Variants in FUT8 observed in about 807,000 individuals in gnomAD.
FUT8 encodes the protein fucosyltransferase 8, also known as alpha-(1,6)-fucosyltransferase.
A neutral mutation model predicts 71.3 loss-of-function variants in FUT8; 29 were observed. The observed-to-expected ratio is 0.41, with a 90% CI of 0.30 to 0.55. The LOEUF is 0.55. Among genes scored for constraint, FUT8 ranks in the 20% least tolerant of loss-of-function variants. FUT8 has a pLI of 0.34. For missense variants in FUT8, 544 were observed against 702.1 expected (o/e 0.77, Z 2.55); for synonymous variants, 254 against 239.3 (o/e 1.06, Z -0.57).
chr14:65,724,668 G>C (rs574718700), intron 9 of FUT8, among the ~76,000 whole-genome samples: 1 of 152,248 alleles, frequency 6.6e-6, no homozygotes, highest in East Asian at 1.9e-4. Flanking sequence ...TAGACTGAGT[G>C]GTTTAAATTA....
chr14:65,372,153 A>G, the FUT8 span, among the ~76,000 whole-genome samples: 1 of 151,872 alleles, frequency 6.6e-6, no homozygotes, highest in Non-Finnish European at 1.5e-5. Context: ...CCTGTTCCCA[A>G]TGCCACCTCC....
intron 3 of FUT8, among the ~76,000 whole-genome samples, chr14:65,580,115 T>A (rs1421915900): frequency 6.7e-6 from 1 of 148,428 alleles, no homozygotes; most frequent in African/African-American, 2.5e-5. Context: ...AAGGGCGGGA[T>A]TACATTCTGA....
At chr14:65,576,201 C>G (rs1434375068) in intron 3 of FUT8, among the ~76,000 whole-genome samples, 3 of 152,074 alleles carry the variant, frequency 2.0e-5, no homozygotes, top group Middle Eastern at 3.4e-3. Context: ...TTGTTTGTTT[C>G]TTTTTCAATG....
the FUT8 span, among the ~76,000 whole-genome samples, chr14:65,380,321 T>C: frequency 4.0e-5 from 6 of 151,732 alleles, no homozygotes. Context: ...TTCAATTACC[T>C]CCCCCCGGGT....
chr14:65,582,730 G>T (rs1185102990), intron 3 of FUT8, among the ~76,000 whole-genome samples: 1 of 152,152 alleles, frequency 6.6e-6, no homozygotes, highest in Non-Finnish European at 1.5e-5. Flanking sequence ...TATTTTGATG[G>T]AATGGATTAT....
At chr14:65,485,666 A>G (rs1425539085) in intron 2 of FUT8, among the ~76,000 whole-genome samples, 1 of 152,164 alleles carries the variant, frequency 6.6e-6, no homozygotes, top group Non-Finnish European at 1.5e-5. Context: ...TGTGCTGAAT[A>G]TTTGAGAGGC....
chr14:65,651,715 TG>T (rs1332276627), intron 6 of FUT8, among the ~76,000 whole-genome samples: 1 of 151,990 alleles, frequency 6.6e-6, no homozygotes, highest in Non-Finnish European at 1.5e-5. Context: ...GAGAAACAAA[TG>T]GAAATTTTAG....
the FUT8 span, among the ~76,000 whole-genome samples, chr14:65,400,983 C>T: frequency 6.6e-6 from 1 of 152,186 alleles, no homozygotes; most frequent in East Asian, 1.9e-4. Flanking sequence ...ATGAGGGTTG[C>T]ACTTATATAA....
chr14:65,479,312 C>T (rs1414604016), intron 2 of FUT8, among the ~76,000 whole-genome samples: 1 of 152,134 alleles, frequency 6.6e-6, no homozygotes, highest in Non-Finnish European at 1.5e-5. Context: ...AATGGTTGGC[C>T]CAAATGATTT....
chr14:65,418,049 CTAA>C (rs1453495119), intron 1 of FUT8, among the ~76,000 whole-genome samples: 8 of 151,976 alleles, frequency 5.3e-5, no homozygotes, highest in Non-Finnish European at 1.0e-4. Context: ...GAAAATTAAG[CTAA>C]TGTTTATTTT....
At chr14:65,701,949 G>T (rs1052515034) in intron 7 of FUT8, among the ~76,000 whole-genome samples, 3 of 152,170 alleles carry the variant, frequency 2.0e-5, no homozygotes, top group Non-Finnish European at 4.4e-5. Flanking sequence ...GAGTGGGAAT[G>T]GAATAGGACT....
In FUT8 at chr14:65,601,733, C is replaced by G. The variant is rs372514965; in HGVS notation, c.204-14245C>G. On this transcript the variant is annotated intron_variant, in intron 3 of 10. Transcript: ENST00000673929. ...TCTAATAGTGTATTACTATATGATG[C>G]CAGAAGATCAGAATCAAATATCATT... is the stretch of plus-strand genomic sequence containing the variant. Among the ~76,000 whole-genome samples, 19 of 152,074 alleles carry G rather than the reference C, an allele frequency of 1.2e-4. 3 individuals are homozygous for G. Among genetic ancestry groups the G allele is most frequent in the African/African-American group, 4.3e-4 (18 of 41,496 alleles).
chr14:65,601,565 T>C (rs1049806979), intron 3 of FUT8, among the ~76,000 whole-genome samples: 8 of 152,204 alleles, frequency 5.3e-5, no homozygotes, highest in Non-Finnish European at 1.0e-4. Flanking sequence ...TTTTTTCTTA[T>C]TATCATGTGA....
intron 9 of FUT8, among the ~76,000 whole-genome samples, chr14:65,728,561 T>G (rs1442505458): frequency 6.6e-6 from 1 of 152,260 alleles, no homozygotes; most frequent in Non-Finnish European, 1.5e-5. Flanking sequence ...ATCCCATTTA[T>G]GTAGTCTCAT....
chr14:65,395,320 C>T, the FUT8 span, among the ~76,000 whole-genome samples: 5 of 152,230 alleles, frequency 3.3e-5, no homozygotes, highest in African/African-American at 1.2e-4. Flanking sequence ...CCAGTTGGAA[C>T]TCTGTGTGGG....
chr14:65,364,327 C>T, the FUT8 span, among the ~76,000 whole-genome samples: 6 of 152,072 alleles, frequency 3.9e-5, no homozygotes, highest in South Asian at 1.0e-3. Context: ...GTCTCGACTC[C>T]CAAGTAGCTG....
intron 1 of FUT8, among the ~76,000 whole-genome samples, chr14:65,414,644 G>A (rs1207291634): frequency 6.6e-6 from 1 of 152,172 alleles, no homozygotes; most frequent in Non-Finnish European, 1.5e-5. Flanking sequence ...CAGGTTTAGT[G>A]TGTAAAAAAT....
At chr14:65,619,387 C>T (rs1889482181) in intron 5 of FUT8, among the ~76,000 whole-genome samples, 1 of 152,144 alleles carries the variant, frequency 6.6e-6, no homozygotes, top group Non-Finnish European at 1.5e-5. Flanking sequence ...AGTCAGGGCA[C>T]CATGTTTCCT....
intron 2 of FUT8, among the ~76,000 whole-genome samples, chr14:65,536,923 T>C (rs1884351565): frequency 6.6e-6 from 1 of 152,014 alleles, no homozygotes; most frequent in Non-Finnish European, 1.5e-5. Flanking sequence ...TAATCCCATA[T>C]TTCCTGGAGG....
Sources: allele counts gnomAD v4.1 joint callset (sites outside exome capture counted in the v4.1 genomes callset), GRCh38; gene constraint gnomAD v4.1.1; transcripts MANE v1.5; gene names NCBI Gene and HGNC (gene_info 2026-07-23, HGNC 2026-07-21).